PDE7A: variants seen among roughly 807,000 people sequenced by gnomAD.
PDE7A encodes the protein high affinity 3',5'-cyclic-AMP phosphodiesterase 7A.
PDE7A carries 39 observed loss-of-function variants against 64.3 expected under a neutral mutation model. The ratio of observed to expected loss-of-function variants is 0.61; its 90% CI spans 0.47 to 0.79. The LOEUF (loss-of-function observed/expected upper bound fraction) is 0.79. Among genes scored for constraint, PDE7A ranks in the 30% least tolerant of loss-of-function variants. The probability of loss-of-function intolerance (pLI) is 0.00; values close to 1 mark genes in which losing one functional copy is unlikely to be tolerated. For missense variants in PDE7A, 470 were observed against 582.8 expected, an observed-to-expected ratio of 0.81 and a Z score of 1.99; for synonymous variants, 203 against 206.8, an observed-to-expected ratio of 0.98 and a Z score of 0.16.
intron 1 of PDE7A, among the ~76,000 whole-genome samples, chr8:65,796,646 T>C (rs1455894505): frequency 6.6e-6 from 1 of 152,008 alleles, no homozygotes; most frequent in Non-Finnish European, 1.5e-5. Context: ...AATTCAATAG[T>C]CATTATGATA....
At position 65,719,278 on chromosome 8, in the gene PDE7A, T is replaced by C; in HGVS notation, c.*12A>G. 1 of 1,600,800 alleles carries C rather than the reference T, an allele frequency of 6.2e-7. No homozygotes were observed. The highest frequency in any genetic ancestry group is 8.6e-7 in the Non-Finnish European group (1 of 1,167,860). The stretch of plus-strand genomic sequence containing the variant: ...ACCTCCAGGAGGCAGTTTGTCCCAC[T>C]GGTTCTGGGGGTTATGATAACCGAT... On this transcript the variant is annotated 3_prime_UTR_variant, in exon 13 of 13. Transcript: ENST00000401827.
At chr8:65,734,367 G>GT (rs1368401570) in intron 7 of PDE7A, among the ~76,000 whole-genome samples, 2 of 152,190 alleles carry the variant, frequency 1.3e-5, no homozygotes, top group Non-Finnish European at 2.9e-5. Context: ...GAGCACTGAA[G>GT]TAACTCCTGG....
intron 3 of PDE7A, among the ~76,000 whole-genome samples, chr8:65,764,423 G>A (rs553968302): frequency 5.9e-5 from 9 of 152,168 alleles, no homozygotes; most frequent in Admixed American, 2.6e-4. Context: ...AGCTGCTTTC[G>A]CAGACCAAAC....
At chr8:65,747,600 C>G in intron 4 of PDE7A, 52 bp downstream of exon 4, 1 of 1,179,800 alleles carries the variant, frequency 8.5e-7, no homozygotes, top group Non-Finnish European at 1.2e-6. Flanking sequence ...GAATAAAGGC[C>G]TTCAGTAAAC....
intron 3 of PDE7A, among the ~76,000 whole-genome samples, chr8:65,749,618 T>C (rs1207911103): frequency 2.0e-5 from 3 of 152,234 alleles, no homozygotes; most frequent in Non-Finnish European, 2.9e-5. Flanking sequence ...ATGTTCCAAG[T>C]GCTTTGTAAA....
intron 1 of PDE7A, among the ~76,000 whole-genome samples, chr8:65,789,374 A>G (rs769799960): frequency 1.1e-4 from 17 of 152,376 alleles, no homozygotes; most frequent in Middle Eastern, 3.4e-3. Flanking sequence ...CTTTTCACAT[A>G]GAACTGTTTC....
Position 65,816,567 on chromosome 8 carries a change from A to C in PDE7A, c.138+24804T>G, listed in dbSNP as rs139259246. 5.3e-3 allele frequency among the ~76,000 whole-genome samples: 814 copies of C among 152,270 alleles called. 7 individuals carry two copies. The highest frequency in any genetic ancestry group is 0.018 in the African/African-American group (766 of 41,534). On this transcript the variant is annotated intron_variant, in intron 1 of 12. Transcript: ENST00000401827. Reference sequence around the variant, plus strand: ...ATAGCTACAAATTCTGTCTTTCTGTAGGAATGTATTTATTTCACCTTCATT... The same window carrying C: ...ATAGCTACAAATTCTGTCTTTCTGTCGGAATGTATTTATTTCACCTTCATT...
At chr8:65,726,339 T>TC (rs142646443) in intron 9 of PDE7A, among the ~76,000 whole-genome samples, 10 of 152,126 alleles carry the variant, frequency 6.6e-5, no homozygotes, top group Admixed American at 4.6e-4. Flanking sequence ...TATTTTTTTT[T>TC]CCTAAAATAT....
In PDE7A at chr8:65,739,542, C is replaced by G. The variant is rs1387327261; in HGVS notation, c.555G>C (p.Glu185Asp). 6.4e-7 allele frequency: 1 copy of G among 1,567,740 alleles called. No individual in the cohort carries two copies. The highest frequency in any genetic ancestry group is 8.6e-7 in the Non-Finnish European group (1 of 1,161,752). ...FHLFSLHGLI[E>D]YFHLDMMKLR... ...GTTTCATCATATCTAAATGGAAGTA[C>G]TCAATTAATCCATGAAGACTAAATA... The change falls in exon 6 of 13, where the codon GAG (glutamate) becomes GAC (aspartate). Residue 185 changes from glutamate (E) to aspartate (D), a missense_variant. By Grantham distance (45) the Glu-to-Asp change is conservative. Coordinates refer to ENST00000401827, the MANE Select transcript of PDE7A (RefSeq NM_001242318.3).
In PDE7A at chr8:65,724,882, G is replaced by A. The variant is rs746900243; in HGVS notation, c.960C>T (p.Ala320=). The A allele has an allele frequency of 1.2e-6, 2 of 1,609,468 alleles. No individual in the cohort carries two copies. The highest frequency in any genetic ancestry group is 1.1e-5 in the South Asian group (1 of 90,734). The change falls in exon 10 of 13, where the codon GCC becomes GCT. Residue 320 remains alanine (A), a synonymous_variant. Coordinates refer to ENST00000401827, the MANE Select transcript of PDE7A (RefSeq NM_001242318.3). ...METQIGALIL[A]TDISRQNEYL... is the part of the protein sequence containing the mutation. ...ACTCATTCTGGCGACTGATGTCTGT[G>A]GCTAGTATCAGAGCACCTATCTGTG...
intron 1 of PDE7A, among the ~76,000 whole-genome samples, chr8:65,803,886 T>C (rs758638300): frequency 2.0e-5 from 3 of 152,106 alleles, no homozygotes; most frequent in Non-Finnish European, 2.9e-5. Flanking sequence ...GAGGATACGA[T>C]TGGGAGAACA....
intron 3 of PDE7A, among the ~76,000 whole-genome samples, chr8:65,764,340 T>G (rs543750343): frequency 6.6e-6 from 1 of 152,346 alleles, no homozygotes; most frequent in Admixed American, 6.5e-5. Context: ...GATCTTAGTC[T>G]ACAATACCAT....
At chr8:65,827,524 C>T (rs1810707167) in intron 1 of PDE7A, among the ~76,000 whole-genome samples, 1 of 152,146 alleles carries the variant, frequency 6.6e-6, no homozygotes, top group African/African-American at 2.4e-5. Flanking sequence ...TAATTTTCTT[C>T]ATTTTTCATT....
At chr8:65,839,107 C>T (rs1811015545) in intron 1 of PDE7A, among the ~76,000 whole-genome samples, 6 of 152,024 alleles carry the variant, frequency 3.9e-5, no homozygotes, top group Admixed American at 2.0e-4. Flanking sequence ...TAAGTACCTA[C>T]TATGAGCTGG....
chr8:65,744,389 C>T (rs1807579943), intron 5 of PDE7A, among the ~76,000 whole-genome samples: 1 of 152,122 alleles, frequency 6.6e-6, no homozygotes, highest in Admixed American at 6.6e-5. Context: ...CTCAATTGTA[C>T]CACCAATAAT....
chr8:65,771,884 C>CAAAAAAAAAAA (rs36101490), intron 3 of PDE7A, among the ~76,000 whole-genome samples: 5 of 55,824 alleles, frequency 9.0e-5, no homozygotes, highest in Non-Finnish European at 1.5e-4. Flanking sequence ...CTCCATCTCT[C>CAAAAAAAAAAA]AAAAAAAAAA....
chr8:65,836,706 A>G (rs184436917), intron 1 of PDE7A, among the ~76,000 whole-genome samples: 2 of 152,300 alleles, frequency 1.3e-5, no homozygotes, highest in Admixed American at 1.3e-4. Flanking sequence ...TGCTCTGCCA[A>G]TTGAAAAGCT....
chr8:65,747,556 G>T, intron 4 of PDE7A, 96 bp downstream of exon 4: 1 of 688,202 alleles, frequency 1.5e-6, no homozygotes. Flanking sequence ...TTCATAGACA[G>T]AGAAAAAGAC....
chr8:65,798,683 A>G (rs1316112520), intron 1 of PDE7A, among the ~76,000 whole-genome samples: 1 of 152,226 alleles, frequency 6.6e-6, no homozygotes, highest in Non-Finnish European at 1.5e-5. Context: ...GATACTATTA[A>G]CCACAAGAAT....
Sources: gnomAD v4.1 joint callset for allele counts (sites outside exome capture counted in the v4.1 genomes callset) on GRCh38, gnomAD v4.1.1 for gene constraint, MANE v1.5 for transcripts, NCBI Gene and HGNC (gene_info 2026-07-23, HGNC 2026-07-21) for gene names.